Variants in EDNRB observed in about 807,000 individuals in gnomAD.
The protein encoded by EDNRB is endothelin receptor type B, also known as Hirschsprung disease 2.
A neutral mutation model predicts 46.4 loss-of-function variants in EDNRB; 18 were observed. The observed-to-expected ratio is 0.39, with a 90% CI of 0.27 to 0.57. The LOEUF is 0.57. Ranked by LOEUF, EDNRB falls within the 20% of genes least tolerant of loss-of-function variation. The pLI is 0.61. For missense variants in EDNRB, 434 were observed against 537.5 expected (o/e 0.81, Z 1.90); for synonymous variants, 213 against 204.9 (o/e 1.04, Z -0.34).
chr13:77,910,859 A>G (rs1024393763), intron 1 of EDNRB, among the ~76,000 whole-genome samples: 2 of 152,010 alleles, frequency 1.3e-5, no homozygotes, highest in African/African-American at 4.8e-5. Flanking sequence ...GAAATAGAAC[A>G]ATGGCTTATG....
At chr13:77,925,203 T>C (rs1193118979) in intron 1 of EDNRB, among the ~76,000 whole-genome samples, 3 of 152,258 alleles carry the variant, frequency 2.0e-5, no homozygotes, top group African/African-American at 7.2e-5. Flanking sequence ...TCAAGGTTCA[T>C]CAATGGTGTA....
chr13:77,950,184 G>A (rs1207272103), intron 1 of EDNRB, among the ~76,000 whole-genome samples: 3 of 152,058 alleles, frequency 2.0e-5, no homozygotes, highest in Admixed American at 6.6e-5. Flanking sequence ...GAATTTTCCC[G>A]GGTCTTCAGA....
At chr13:77,969,650 G>A (rs554868664) in intron 1 of EDNRB, among the ~76,000 whole-genome samples, 2 of 152,216 alleles carry the variant, frequency 1.3e-5, no homozygotes, top group South Asian at 4.1e-4. Context: ...AAGTCATGAG[G>A]AACCCTTATC....
At chr13:77,938,472 G>A (rs950183511) in intron 1 of EDNRB, among the ~76,000 whole-genome samples, 8 of 151,774 alleles carry the variant, frequency 5.3e-5, no homozygotes, top group Non-Finnish European at 8.8e-5. Context: ...TGCTGCTAAG[G>A]GTGAAGGAGA....
At chr13:77,931,331 T>A (rs1880391078) in intron 1 of EDNRB, among the ~76,000 whole-genome samples, 2 of 151,562 alleles carry the variant, frequency 1.3e-5, no homozygotes, top group Admixed American at 1.3e-4. Context: ...AAGTCAAGTA[T>A]TTTTTTTTAA....
Position 77,900,595 on chromosome 13 carries a change from A to C in EDNRB, c.1011T>G (p.Leu337=). Residue 337 remains leucine (L), a synonymous_variant, in exon 5 of 7, where the codon CTT becomes CTG. Coordinates refer to ENST00000646607, the MANE Select transcript of EDNRB (RefSeq NM_001122659.3). Reference sequence around the variant, plus strand: ...TCAGAATCCTGCTGAGGTGAAGGGGAAGCCAGCAGAGGGCAAAGACAAGGA... The same window carrying C: ...TCAGAATCCTGCTGAGGTGAAGGGGCAGCCAGCAGAGGGCAAAGACAAGGA... The part of the protein sequence containing the change: ...CLVLVFALCW[L]PLHLSRILKL... 6.2e-7 allele frequency: 1 copy of C among 1,612,700 alleles called. No homozygotes were observed. Among genetic ancestry groups the C allele is most frequent in the South Asian group, 1.1e-5 (1 of 91,062 alleles).
chr13:77,953,067 A>C (rs1442800204), intron 1 of EDNRB, among the ~76,000 whole-genome samples: 1 of 152,202 alleles, frequency 6.6e-6, no homozygotes, highest in Admixed American at 6.5e-5. Context: ...TATATTTTCC[A>C]ATGTCTTTAT....
chr13:77,946,425 A>G (rs924003956), intron 1 of EDNRB, among the ~76,000 whole-genome samples: 4 of 152,204 alleles, frequency 2.6e-5, no homozygotes, highest in Admixed American at 1.3e-4. Flanking sequence ...AACAAATACA[A>G]TTATACAGAA....
chr13:77,949,513 T>C (rs551903687), intron 1 of EDNRB, among the ~76,000 whole-genome samples: 4 of 152,304 alleles, frequency 2.6e-5, no homozygotes, highest in South Asian at 2.1e-4. Context: ...CTTTTGCCCT[T>C]TGTCTTCCAA....
chr13:77,958,565 G>A (rs1040345905), intron 1 of EDNRB, among the ~76,000 whole-genome samples: 4 of 151,920 alleles, frequency 2.6e-5, no homozygotes, highest in Admixed American at 2.0e-4. Flanking sequence ...CAGTAGAGAT[G>A]GGGTTTCACC....
At chr13:77,924,140 G>C (rs56966740), upstream of EDNRB, among the ~76,000 whole-genome samples, 28 of 152,296 alleles carry the variant, frequency 1.8e-4, no homozygotes, top group Middle Eastern at 3.4e-3. Flanking sequence ...CAAGAGTCAT[G>C]GCATGCTTTT....
chr13:77,903,405 T>C (rs772465729), intron 2 of EDNRB, 45 bp from the exon 3 acceptor site: 2 of 1,611,416 alleles, frequency 1.2e-6, no homozygotes, highest in East Asian at 2.2e-5. Context: ...CATACCTTAG[T>C]TTTATTGAAT....
rs1379926864 is a variant in EDNRB at position 77,918,061 on chromosome 13, C to T, written c.483+30G>A. ...CTCCAACCAGGCCCCCTTCCTCAAGCCCACCATGATTTCAGCAGGCGCCCT... is the reference window on the plus strand; with the variant it reads ...CTCCAACCAGGCCCCCTTCCTCAAGTCCACCATGATTTCAGCAGGCGCCCT... On this transcript the variant is annotated intron_variant, in intron 1 of 6. Transcript: ENST00000646607. The surrounding 1 kb of genome is among the most constrained non-coding windows in gnomAD (Gnocchi z 4.5). The T allele has an allele frequency of 6.2e-7, 1 of 1,613,434 alleles. No individual in the cohort carries two copies. The highest frequency in any genetic ancestry group is 8.5e-7 in the Non-Finnish European group (1 of 1,180,034).
chr13:77,967,912 C>T (rs1291544735), intron 1 of EDNRB, among the ~76,000 whole-genome samples: 1 of 152,140 alleles, frequency 6.6e-6, no homozygotes, highest in African/African-American at 2.4e-5. Context: ...TGCTTCTTCT[C>T]AGCCTTGCTT....
intron 1 of EDNRB, among the ~76,000 whole-genome samples, chr13:77,907,817 T>A (rs577770510): frequency 6.6e-6 from 1 of 151,878 alleles, no homozygotes; most frequent in South Asian, 2.1e-4. Flanking sequence ...TGTTTTTGGC[T>A]CAGCCTAGAA....
chr13:77,900,953 T>A, intron 4 of EDNRB, 105 bp downstream of exon 4: 1 of 1,348,096 alleles, frequency 7.4e-7, no homozygotes, highest in Non-Finnish European at 1.0e-6. Context: ...AAAGGAAATA[T>A]GCTCTGGTAT....
chr13:77,914,528 C>T (rs1385155016), intron 1 of EDNRB, among the ~76,000 whole-genome samples: 3 of 152,146 alleles, frequency 2.0e-5, no homozygotes, highest in African/African-American at 7.2e-5. Context: ...TAGTGTGTGC[C>T]TATGAGAAGC....
chr13:77,897,502 C>A lies in EDNRB; in HGVS notation c.*698G>T, dbSNP rs1878693144. ...AGTATTATATTTTAAATTCAGCTGG[C>A]ACATGTGCCAGTCTGTTACATGCTG... On this transcript the variant is annotated 3_prime_UTR_variant, in exon 7 of 7. Transcript: ENST00000646607. The A allele has an allele frequency of 3.1e-6, 3 of 979,236 alleles. No homozygotes were observed. In the South Asian group the frequency reaches 1.4e-4, roughly 46 times the overall value. 60.7% of individuals were successfully genotyped at this position (979,236 alleles called of 1,614,324 possible).
At chr13:77,959,434 C>A (rs181911185) in intron 1 of EDNRB, among the ~76,000 whole-genome samples, 4 of 152,206 alleles carry the variant, frequency 2.6e-5, no homozygotes, top group African/African-American at 9.7e-5. Flanking sequence ...CAAACAGGGT[C>A]GGGAGTGGAC....
Sources: allele counts gnomAD v4.1 joint callset (sites outside exome capture counted in the v4.1 genomes callset), GRCh38; gene constraint gnomAD v4.1.1; non-coding constraint Gnocchi (gnomAD v3.1); transcripts MANE v1.5; gene names NCBI Gene and HGNC (gene_info 2026-07-23, HGNC 2026-07-21).